SHROOM2: variants seen among roughly 807,000 people sequenced by gnomAD.
SHROOM2 encodes the protein protein Shroom2.
A neutral mutation model predicts 75.9 loss-of-function variants in SHROOM2; 33 were observed. That is an observed-to-expected ratio of 0.43 (90% CI 0.33 to 0.58). The LOEUF is 0.58. Among genes scored for constraint, SHROOM2 ranks in the 20% least tolerant of loss-of-function variants. The probability of loss-of-function intolerance (pLI) is 0.04; values close to 1 mark genes in which losing one functional copy is unlikely to be tolerated. For missense variants in SHROOM2, 1,434 were observed against 1,461.2 expected (o/e 0.98, Z 0.30); for synonymous variants, 655 against 663.6 (o/e 0.99, Z 0.20).
chrX:9,926,730 T>C (rs948495755), intron 5 of SHROOM2, among the ~76,000 whole-genome samples: 1 of 111,367 alleles, frequency 9.0e-6, no homozygotes, highest in Non-Finnish European at 1.9e-5. Context: ...ATACAAACTT[T>C]GTTTCGTGCA....
rs2084662647 is a variant in SHROOM2, at chrX:9,932,716, C to T, written c.3433C>T (p.Arg1145Cys). 9.9e-6 allele frequency: 12 copies of T among 1,211,356 alleles called. No homozygotes were observed. The highest frequency in any genetic ancestry group is 1.2e-5 in the Non-Finnish European group (11 of 895,591). The change falls in exon 6 of 10, where the codon CGT becomes TGT. Residue 1145 changes from arginine (R) to cysteine (C), a missense_variant. Arg to Cys is a radical substitution (Grantham distance 180). Transcript: ENST00000380913. ...CCAGCATGTGAGCGGGGACGCATCA[C>T]GTCCTCTGCCAGAAGCACTGCTCCC... is the stretch of plus-strand genomic sequence containing the variant. ...GSQHVSGDASRPLPEALLPPK... is the reference protein window; with the variant it reads ...GSQHVSGDASCPLPEALLPPK...
chrX:9,908,388 A>C (rs964420859), intron 5 of SHROOM2, among the ~76,000 whole-genome samples: 3 of 112,041 alleles, frequency 2.7e-5, no homozygotes, highest in Admixed American at 1.9e-4. Flanking sequence ...TGGTGATTTC[A>C]TTCTGTTCTT....
chrX:9,851,420 G>C (rs1179837010), intron 1 of SHROOM2, among the ~76,000 whole-genome samples: 1 of 101,835 alleles, frequency 9.8e-6, no homozygotes, highest in Non-Finnish European at 2.0e-5. Flanking sequence ...TAATATGATG[G>C]TAACAATGTT....
chrX:9,828,446 G>C (rs2083899393), intron 1 of SHROOM2, among the ~76,000 whole-genome samples: 1 of 111,457 alleles, frequency 9.0e-6, no homozygotes, highest in Admixed American at 9.5e-5. Context: ...GTGTTCCAGG[G>C]AAGAAGTTAT....
intron 1 of SHROOM2, among the ~76,000 whole-genome samples, chrX:9,838,911 T>C (rs913967777): frequency 7.2e-4 from 80 of 111,039 alleles, no homozygotes; most frequent in African/African-American, 2.6e-3. Flanking sequence ...GGAAAGGAGA[T>C]TCGTGGTTGC....
chrX:9,851,355 G>C (rs187992426), intron 1 of SHROOM2, among the ~76,000 whole-genome samples: 157 of 110,067 alleles, frequency 1.4e-3, no homozygotes, highest in African/African-American at 4.7e-3. Flanking sequence ...GCAATACAGA[G>C]AGATGCCATG....
intron 1 of SHROOM2, among the ~76,000 whole-genome samples, chrX:9,864,831 T>TAAAAAAATAA (rs1569153153): frequency 2.0e-5 from 2 of 102,486 alleles, no homozygotes. Context: ...TCTCAAAAAA[T>TAAAAAAATAA]AAATAAATAA....
At chrX:9,917,247 G>A (rs987143702) in intron 5 of SHROOM2, among the ~76,000 whole-genome samples, 3 of 111,674 alleles carry the variant, frequency 2.7e-5, no homozygotes, top group Non-Finnish European at 3.8e-5. Flanking sequence ...TCTCGTGTCC[G>A]GTCTGCTCTT....
chrX:9,851,934 C>T (rs1400930644), intron 1 of SHROOM2, among the ~76,000 whole-genome samples: 2 of 112,056 alleles, frequency 1.8e-5, no homozygotes, highest in Non-Finnish European at 3.8e-5. Context: ...AAGGATCTTC[C>T]CCAGGTGACT....
chrX:9,928,911 G>A (rs2084621089), intron 5 of SHROOM2, among the ~76,000 whole-genome samples: 1 of 112,398 alleles, frequency 8.9e-6, no homozygotes, highest in Non-Finnish European at 1.9e-5. Context: ...CACACACAGT[G>A]TACATATAGA....
intron 1 of SHROOM2, among the ~76,000 whole-genome samples, chrX:9,802,949 A>C (rs1382691722): frequency 1.1e-5 from 1 of 92,682 alleles, no homozygotes; most frequent in Non-Finnish European, 1.9e-5. Context: ...TTTTAAATGA[A>C]ACAGCATCTT....
At chrX:9,899,089 G>C (rs761252675) in intron 5 of SHROOM2, among the ~76,000 whole-genome samples, 1 of 102,971 alleles carries the variant, frequency 9.7e-6, no homozygotes, top group Non-Finnish European at 2.0e-5. Flanking sequence ...ACTAAAAATA[G>C]AAAAAAAAAA....
chrX:9,801,179 CT>C (rs2083722406), intron 1 of SHROOM2, among the ~76,000 whole-genome samples: 2 of 111,644 alleles, frequency 1.8e-5, no homozygotes, highest in Non-Finnish European at 3.8e-5. Context: ...AGGAAAACTC[CT>C]TATAAAACCA....
chrX:9,895,038 G>T lies in SHROOM2; in HGVS notation c.1130G>T (p.Ser377Ile), dbSNP rs1212925218. 1 of 1,207,891 alleles carries T rather than the reference G, an allele frequency of 8.3e-7. No homozygotes were observed. Among genetic ancestry groups the T allele is most frequent in the Non-Finnish European group, 1.1e-6 (1 of 893,733 alleles). Residue 377 changes from serine (S) to isoleucine (I), a missense_variant, in exon 4 of 10, where the codon AGC becomes ATC. Physicochemically the swap from Ser to Ile is moderately radical, Grantham distance 142. Around this residue, in one of 3 missense-constraint regions of SHROOM2, gnomAD observed 1,340 missense variants for 1,338.3 expected, o/e 1.00. Transcript: ENST00000380913. ...DRPWRSAHPG[S>I]LGKGSGGPGC... ...CCTTGGAGGTCAGCACACCCGGGGAGCCTCGGGAAGGGATCGGGAGGCCCG... is the reference window on the plus strand; with the variant it reads ...CCTTGGAGGTCAGCACACCCGGGGATCCTCGGGAAGGGATCGGGAGGCCCG...
intron 5 of SHROOM2, among the ~76,000 whole-genome samples, chrX:9,917,581 C>T (rs187278203): frequency 3.6e-5 from 4 of 111,238 alleles, no homozygotes; most frequent in East Asian, 2.8e-4. Context: ...AGTGCAGTGC[C>T]GCAATCTCAG....
In SHROOM2 at chrX:9,894,898, G is replaced by C. The variant is rs763588510; in HGVS notation, c.990G>C (p.Lys330Asn). 1 of 1,210,829 alleles carries C rather than the reference G, an allele frequency of 8.3e-7. No homozygotes were observed. The highest frequency in any genetic ancestry group is 1.8e-5 in the South Asian group (1 of 56,880). ...PLRSDSFAAT[K>N]SHEKAQGPVF... ...GCAGTGACAGCTTTGCTGCCACCAA[G>C]AGCCACGAGAAGGCCCAGGGCCCTG... The change falls in exon 4 of 10, where the codon AAG (lysine) becomes AAC (asparagine). Residue 330 changes from lysine to asparagine, a missense_variant. Transcript: ENST00000380913.
chrX:9,787,449 TAAAC>T (rs1172568976), intron 1 of SHROOM2, among the ~76,000 whole-genome samples: 2 of 112,601 alleles, frequency 1.8e-5, no homozygotes, highest in South Asian at 3.7e-4. Context: ...AGCAAACACA[TAAAC>T]AACAGTCCAG....
chrX:9,788,559 G>A (rs957139420), intron 1 of SHROOM2, among the ~76,000 whole-genome samples: 1 of 111,248 alleles, frequency 9.0e-6, no homozygotes, highest in African/African-American at 3.3e-5. Context: ...GCCCAGGCAG[G>A]GCAAATGGTG....
intron 1 of SHROOM2, among the ~76,000 whole-genome samples, chrX:9,792,083 ATAG>A (rs1569133088): frequency 6.6e-4 from 8 of 12,087 alleles, no homozygotes; most frequent in Admixed American, 1.6e-3. Flanking sequence ...ATAGAATAGA[ATAG>A]AATAGAATAG....
Sources: allele counts gnomAD v4.1 joint callset (sites outside exome capture counted in the v4.1 genomes callset), GRCh38; gene constraint gnomAD v4.1.1; regional missense constraint gnomAD v4.1.1; transcripts MANE v1.5; gene names NCBI Gene and HGNC (gene_info 2026-07-23, HGNC 2026-07-21).